The following MAST4 variants were observed in gnomAD, a reference collection of about 807,000 sequenced individuals.
MAST4 encodes the protein microtubule associated serine/threonine kinase family member 4, also known as microtubule-associated serine/threonine-protein kinase 4.
MAST4 carries 89 observed loss-of-function variants against 162.7 expected under a neutral mutation model. The ratio of observed to expected loss-of-function variants is 0.55; its 90% CI spans 0.46 to 0.65. The LOEUF is 0.65. Among genes scored for constraint, MAST4 ranks in the 30% least tolerant of loss-of-function variants. The probability of loss-of-function intolerance (pLI) is 0.00; values close to 1 mark genes in which losing one functional copy is unlikely to be tolerated. For missense variants in MAST4, 3,153 were observed against 3,374.0 expected (o/e 0.93, Z 1.62); for synonymous variants, 1,479 against 1,361.1 (o/e 1.09, Z -1.91).
At position 66,660,218 on chromosome 5, in the gene MAST4, G is replaced by A. The variant is rs556108796; in HGVS notation, c.363+63200G>A. Among the ~76,000 whole-genome samples the A allele has an allele frequency of 9.2e-5, 14 of 152,230 alleles. 1 individual carries two copies. Among genetic ancestry groups the A allele is most frequent in the African/African-American group, 2.9e-4 (12 of 41,546 alleles). ...AGCCTGACCAACATGGAGAAACCCCGTCTGTACTGAAAATACAAAATTAGC... is the reference window on the plus strand; with the variant it reads ...AGCCTGACCAACATGGAGAAACCCCATCTGTACTGAAAATACAAAATTAGC... On this transcript the variant is annotated intron_variant, in intron 1 of 28. Coordinates refer to ENST00000403625, the MANE Select transcript of MAST4 (RefSeq NM_001164664.2).
chr5:67,132,835 T>C (rs982659202), intron 16 of MAST4, among the ~76,000 whole-genome samples: 7 of 152,130 alleles, frequency 4.6e-5, no homozygotes, highest in African/African-American at 1.7e-4. Flanking sequence ...AGAAAAAAAT[T>C]CATCTGCAGT....
intron 3 of MAST4, among the ~76,000 whole-genome samples, chr5:66,789,217 AC>A (rs976301647): frequency 9.1e-4 from 129 of 142,206 alleles, no homozygotes; most frequent in African/African-American, 3.0e-3. Context: ...ATGTGTACAT[AC>A]ACACATGATT....
chr5:66,845,684 G>A (rs1225547389), intron 3 of MAST4, among the ~76,000 whole-genome samples: 1 of 152,028 alleles, frequency 6.6e-6, no homozygotes, highest in African/African-American at 2.4e-5. Context: ...TTGAGGGATC[G>A]CCACACTGTC....
chr5:66,605,990 A>G (rs1267975111), intron 1 of MAST4, among the ~76,000 whole-genome samples: 1 of 152,226 alleles, frequency 6.6e-6, no homozygotes, highest in Non-Finnish European at 1.5e-5. Context: ...GTAGAGTAAC[A>G]ACAATGACAA....
chr5:66,639,277 C>CG (rs1359234216), intron 1 of MAST4, among the ~76,000 whole-genome samples: 3 of 59,120 alleles, frequency 5.1e-5, no homozygotes, highest in African/African-American at 7.7e-5. Flanking sequence ...TGAGAGGCAG[C>CG]TTGTGTGTGT....
At chr5:66,735,137 C>T (rs1388274317) in intron 1 of MAST4, among the ~76,000 whole-genome samples, 2 of 152,154 alleles carry the variant, frequency 1.3e-5, no homozygotes, top group East Asian at 1.9e-4. Context: ...AAAAGGGAAA[C>T]ATACAGGTGA....
intron 1 of MAST4, among the ~76,000 whole-genome samples, chr5:66,626,056 A>G (rs1183285336): frequency 1.3e-5 from 2 of 152,234 alleles, no homozygotes; most frequent in African/African-American, 4.8e-5. Flanking sequence ...ATAACTTAAC[A>G]TAGAATCTAA....
At chr5:66,980,162 G>A (rs1370601363) in intron 4 of MAST4, among the ~76,000 whole-genome samples, 3 of 152,160 alleles carry the variant, frequency 2.0e-5, no homozygotes, top group Non-Finnish European at 4.4e-5. Context: ...GTCTCTTGCG[G>A]TGGCTGAGAT....
intron 7 of MAST4, among the ~76,000 whole-genome samples, chr5:67,099,657 G>A (rs1764814772): frequency 6.6e-6 from 1 of 152,040 alleles, no homozygotes; most frequent in African/African-American, 2.4e-5. Context: ...AAAACAATTA[G>A]TTTCTTTGCT....
At chr5:66,720,172 A>G (rs1340382317) in intron 1 of MAST4, among the ~76,000 whole-genome samples, 1 of 60,616 alleles carries the variant, frequency 1.6e-5, no homozygotes. Flanking sequence ...ATCAGGAATG[A>G]TAATTTTTTT....
At position 67,166,609 on chromosome 5, in the gene MAST4, C is replaced by CA; in HGVS notation, c.7431dup (p.Ala2478SerfsTer26). On this transcript the variant is annotated frameshift_variant, in exon 29 of 29. Coordinates refer to ENST00000403625, the MANE Select transcript of MAST4 (RefSeq NM_001164664.2). LOFTEE classifies it low-confidence loss of function (END_TRUNC). The stretch of plus-strand genomic sequence containing the variant: ...AGGGCCGGAGTTAGAGAGGCCTCTG[C>CA]AGCCAGCAGCGACACCTCTTCTGCC... 6.2e-7 allele frequency: 1 copy of CA among 1,600,472 alleles called. No homozygotes were observed. Among genetic ancestry groups the CA allele is most frequent in the Non-Finnish European group, 8.5e-7 (1 of 1,173,800 alleles).
chr5:66,848,327 C>T lies in MAST4; in HGVS notation c.643-51624C>T, dbSNP rs374116457. On this transcript the variant is annotated intron_variant, in intron 3 of 28. Coordinates refer to ENST00000403625, the MANE Select transcript of MAST4 (RefSeq NM_001164664.2). ...GATGTTAGAAGAGGCAGAAAAAAGG[C>T]GATAAGGAATGCAAATTTATTTCAG... 1.6e-4 allele frequency among the ~76,000 whole-genome samples: 24 copies of T among 151,986 alleles called. 1 individual carries two copies. Among genetic ancestry groups the T allele is most frequent in the African/African-American group, 5.5e-4 (23 of 41,446 alleles).
At chr5:67,158,364 T>C (rs1448992706) in intron 26 of MAST4, among the ~76,000 whole-genome samples, 4 of 152,206 alleles carry the variant, frequency 2.6e-5, no homozygotes, top group African/African-American at 9.7e-5. Context: ...CCCTAAAATA[T>C]TTCCTGCAAA....
At chr5:67,137,241 C>T (rs562983152) in intron 19 of MAST4, among the ~76,000 whole-genome samples, 25 of 152,290 alleles carry the variant, frequency 1.6e-4, no homozygotes, top group African/African-American at 5.5e-4. Flanking sequence ...TCAGGATTAA[C>T]GAGATAGTAG....
intron 3 of MAST4, among the ~76,000 whole-genome samples, chr5:66,868,341 C>T (rs2149862590): frequency 6.6e-6 from 1 of 152,082 alleles, no homozygotes; most frequent in African/African-American, 2.4e-5. Context: ...AAAGGTTCCC[C>T]TCTTGGTTCT....
chr5:66,810,170 T>C (rs1756407543), intron 3 of MAST4, among the ~76,000 whole-genome samples: 1 of 152,142 alleles, frequency 6.6e-6, no homozygotes, highest in Non-Finnish European at 1.5e-5. Flanking sequence ...AGGGGATTCG[T>C]AGTTGGTGAG....
At chr5:67,102,369 G>A in intron 8 of MAST4, 167 bp from the exon 9 acceptor site, 1 of 690,166 alleles carries the variant, frequency 1.4e-6, no homozygotes, top group South Asian at 1.6e-5. Context: ...TTATGGGAAT[G>A]TATGTGTGCA....
At chr5:66,788,607 C>CCAAACAAAAAA in intron 2 of MAST4, 63 bp from the exon 3 acceptor site, 31 of 1,373,620 alleles carry the variant, frequency 2.3e-5, no homozygotes, top group Non-Finnish European at 3.0e-5. Flanking sequence ...CCCCCACCCC[C>CCAAACAAAAAA]ATTGCAATAA....
chr5:66,617,669 A>G (rs1743785472), intron 1 of MAST4, among the ~76,000 whole-genome samples: 1 of 152,240 alleles, frequency 6.6e-6, no homozygotes, highest in Non-Finnish European at 1.5e-5. Flanking sequence ...TGTAGCACCC[A>G]GTAGATAACC....
Sources: allele counts gnomAD v4.1 joint callset (sites outside exome capture counted in the v4.1 genomes callset), GRCh38; gene constraint gnomAD v4.1.1; transcripts MANE v1.5; gene names NCBI Gene and HGNC (gene_info 2026-07-23, HGNC 2026-07-21).